The following IFI16 variants were observed in gnomAD, a reference collection of about 807,000 sequenced individuals.
The protein encoded by IFI16 is gamma-interferon-inducible protein 16.
In IFI16, 49 loss-of-function variants were observed where a neutral mutation model predicts 68.4. The ratio of observed to expected loss-of-function variants is 0.72; its 90% confidence interval spans 0.57 to 0.91. The LOEUF (loss-of-function observed/expected upper bound fraction) is 0.91, where lower values mean the gene tolerates loss of function less well. Among genes scored for constraint, IFI16 ranks in the 40% least tolerant of loss-of-function variants. The pLI is 0.00. For missense variants in IFI16, 878 were observed against 942.9 expected (o/e 0.93, Z 0.90); for synonymous variants, 307 against 315.0 (o/e 0.97, Z 0.27).
chr1:159,029,686 T>G (rs1032048521), intron 6 of IFI16, among the ~76,000 whole-genome samples: 3 of 151,612 alleles, frequency 2.0e-5, no homozygotes, highest in Non-Finnish European at 4.4e-5. Context: ...TCAGTTTTTT[T>G]TTTTTTTTTT....
At chr1:159,036,615 T>C (rs980323981) in intron 7 of IFI16, among the ~76,000 whole-genome samples, 3 of 152,178 alleles carry the variant, frequency 2.0e-5, no homozygotes, top group Non-Finnish European at 4.4e-5. Context: ...AAATTAGACA[T>C]TGTTTTTGTT....
chr1:159,051,364 C>T (rs1485783979), intron 9 of IFI16, among the ~76,000 whole-genome samples: 1 of 152,164 alleles, frequency 6.6e-6, no homozygotes, highest in Admixed American at 6.5e-5. Context: ...GCAGCTTTGC[C>T]TTTACCCTCT....
intron 9 of IFI16, among the ~76,000 whole-genome samples, chr1:159,050,453 C>G (rs1025321802): frequency 6.6e-6 from 1 of 152,140 alleles, no homozygotes; most frequent in Admixed American, 6.6e-5. Flanking sequence ...TACTGATTAA[C>G]TTCATTGGGA....
chr1:159,041,616 G>T (rs1051808105), intron 7 of IFI16, among the ~76,000 whole-genome samples: 1 of 152,144 alleles, frequency 6.6e-6, no homozygotes, highest in Admixed American at 6.5e-5. Flanking sequence ...ACCAGAAAAT[G>T]ACATTAAGTG....
intron 7 of IFI16, among the ~76,000 whole-genome samples, chr1:159,038,822 GAA>G (rs1333171994): frequency 6.6e-6 from 1 of 152,144 alleles, no homozygotes; most frequent in Non-Finnish European, 1.5e-5. Flanking sequence ...TGGGAATCCT[GAA>G]GGATTCTGAA....
chr1:159,050,687 C>G (rs1391318553), intron 9 of IFI16, among the ~76,000 whole-genome samples: 1 of 152,076 alleles, frequency 6.6e-6, no homozygotes, highest in Non-Finnish European at 1.5e-5. Context: ...GCAGCCCCTC[C>G]AAGTCAAAGT....
At chr1:159,042,469 A>T (rs116172816) in intron 7 of IFI16, among the ~76,000 whole-genome samples, 1 of 152,034 alleles carries the variant, frequency 6.6e-6, no homozygotes, top group African/African-American at 2.4e-5. Context: ...CATACATCAG[A>T]GTTCAGTTTC....
upstream of IFI16, among the ~76,000 whole-genome samples, chr1:159,008,773 A>C (rs780616318): frequency 6.6e-6 from 1 of 152,178 alleles, no homozygotes; most frequent in East Asian, 1.9e-4. Flanking sequence ...TTCTTGACTT[A>C]CTCCTTTTTT....
chr1:159,051,773 A>C lies in IFI16; in HGVS notation c.1760A>C (p.Glu587Ala), dbSNP rs915150235. 2.5e-6 allele frequency: 4 copies of C among 1,614,026 alleles called. No homozygotes were observed. Among genetic ancestry groups the C allele is most frequent in the Non-Finnish European group, 3.4e-6 (4 of 1,179,974 alleles). ...LKEVMVLNAT[E>A]SFVYEPKEQK... ...GAAGTGATGGTGCTGAACGCAACAG[A>C]ATCATTTGTATATGAGCCCAAAGAG... The change falls in exon 10 of 12, where the codon GAA becomes GCA. Residue 587 changes from glutamate to alanine, a missense_variant. Glu to Ala is a moderately radical substitution (Grantham distance 107). Transcript: ENST00000295809.
At chr1:159,026,004 T>C (rs892535713) in intron 6 of IFI16, among the ~76,000 whole-genome samples, 1 of 152,180 alleles carries the variant, frequency 6.6e-6, no homozygotes, top group African/African-American at 2.4e-5. Flanking sequence ...TATTTTTGGG[T>C]TCTCTATTCT....
intron 7 of IFI16, among the ~76,000 whole-genome samples, chr1:159,043,867 G>C (rs879034994): frequency 4.6e-5 from 7 of 152,284 alleles, no homozygotes; most frequent in African/African-American, 1.7e-4. Flanking sequence ...ATTTTTAAAA[G>C]ATTATATCTC....
Position 159,051,774 on chromosome 1 carries a change from A to G in IFI16, c.1761A>G (p.Glu587=). 2 of 1,614,136 alleles carry G rather than the reference A, an allele frequency of 1.2e-6. No individual in the cohort carries two copies. Among genetic ancestry groups the G allele is most frequent in the Non-Finnish European group, 1.7e-6 (2 of 1,179,960 alleles). Residue 587 remains glutamate (E), a synonymous_variant, in exon 10 of 12, where the codon GAA becomes GAG. Transcript: ENST00000295809. The part of the protein sequence containing the change: ...LKEVMVLNAT[E]SFVYEPKEQK... ...AAGTGATGGTGCTGAACGCAACAGA[A>G]TCATTTGTATATGAGCCCAAAGAGC...
chr1:159,043,015 A>G (rs980065322), intron 7 of IFI16, among the ~76,000 whole-genome samples: 11 of 152,298 alleles, frequency 7.2e-5, no homozygotes, highest in African/African-American at 2.6e-4. Context: ...CCCAAGCCCC[A>G]AGCTGCCCCC....
rs905006374 is a variant in IFI16 at position 159,010,115 on chromosome 1, C to T, written c.-67C>T. 1 of 152,138 alleles carries T rather than the reference C, an allele frequency of 6.6e-6. No homozygotes were observed. Among genetic ancestry groups the T allele is most frequent in the Non-Finnish European group, 1.5e-5 (1 of 68,028 alleles). 9.4% of individuals were successfully genotyped at this position (152,138 alleles called of 1,614,324 possible). Reference sequence around the variant, plus strand: ...CAAATAAGCATTGATTCCTGCATTTCTGAAGATCTCAAGATCTGGACTACT... The same window carrying T: ...CAAATAAGCATTGATTCCTGCATTTTTGAAGATCTCAAGATCTGGACTACT... On this transcript the variant is annotated 5_prime_UTR_variant, in exon 1 of 12. Transcript: ENST00000295809.
At chr1:159,005,560 T>C (rs999902066), upstream of IFI16, among the ~76,000 whole-genome samples, 1 of 152,350 alleles carries the variant, frequency 6.6e-6, no homozygotes, top group African/African-American at 2.4e-5. Context: ...CAGAGTTGTC[T>C]GGAGTTTATG....
intron 7 of IFI16, among the ~76,000 whole-genome samples, chr1:159,036,224 A>G (rs565061076): frequency 6.6e-6 from 1 of 152,346 alleles, no homozygotes; most frequent in Non-Finnish European, 1.5e-5. Flanking sequence ...TTCTTTCCTC[A>G]TAACAGTCAT....
At chr1:159,044,410 C>G (rs971930311) in intron 7 of IFI16, among the ~76,000 whole-genome samples, 2 of 152,090 alleles carry the variant, frequency 1.3e-5, no homozygotes, top group Non-Finnish European at 2.9e-5. Flanking sequence ...GGGTTTATTT[C>G]CATAGTCCAG....
At chr1:159,028,791 G>A (rs1653818380) in intron 6 of IFI16, among the ~76,000 whole-genome samples, 3 of 85,630 alleles carry the variant, frequency 3.5e-5, no homozygotes, top group African/African-American at 3.0e-4. Flanking sequence ...TTGCTTTAAA[G>A]TTTGTTTTTT....
At position 159,053,692 on chromosome 1, in the gene IFI16, G is replaced by A. The variant is rs149455667; in HGVS notation, c.2245G>A (p.Glu749Lys). The change falls in exon 11 of 12, where the codon GAG becomes AAG. Residue 749 changes from glutamate to lysine, a missense_variant. Around this residue, in one of 4 missense-constraint regions of IFI16, gnomAD observed 311 missense variants for 305.1 expected, o/e 1.02. Coordinates refer to ENST00000295809, the MANE Select transcript of IFI16 (RefSeq NM_001376587.1). ...GGCACCGAAAAGTGGGAATACCGGG[G>A]AGTTGAGATCTGTAATTCATAGTCA... ...ELAPKSGNTGELRSVIHSHIK... is the reference protein window; with the variant it reads ...ELAPKSGNTGKLRSVIHSHIK... 9.8e-5 allele frequency: 158 copies of A among 1,613,882 alleles called. 2 individuals carry two copies. The African/African-American group carries it at 1.9e-3, about 20-fold the overall frequency.
Sources: gnomAD v4.1 joint callset for allele counts (sites outside exome capture counted in the v4.1 genomes callset) on GRCh38, gnomAD v4.1.1 for gene constraint, gnomAD v4.1.1 regional missense constraint, MANE v1.5 for transcripts, NCBI Gene and HGNC (gene_info 2026-07-23, HGNC 2026-07-21) for gene names.